Variants in NRXN3 observed in about 807,000 individuals in gnomAD.
NRXN3 encodes neurexin III.
Under a neutral mutation model 137.6 loss-of-function variants are expected in NRXN3, and 32 were observed. The observed-to-expected ratio is 0.23, with a 90% confidence interval of 0.18 to 0.31. NRXN3 has a LOEUF of 0.31. Ranked by LOEUF, NRXN3 falls within the 10% of genes least tolerant of loss-of-function variation. NRXN3 has a pLI of 1.00. For missense variants in NRXN3, 1,574 were observed against 2,062.5 expected, an observed-to-expected ratio of 0.76 and a Z score of 4.59; for synonymous variants, 798 against 784.5, an observed-to-expected ratio of 1.02 and a Z score of -0.29.
At chr14:78,424,845 A>G (rs2153681323) in intron 4 of NRXN3, among the ~76,000 whole-genome samples, 1 of 152,360 alleles carries the variant, frequency 6.6e-6, no homozygotes, top group Non-Finnish European at 1.5e-5. Flanking sequence ...GCACAGAGAA[A>G]TAAAGTACAT....
intron 19 of NRXN3, among the ~76,000 whole-genome samples, chr14:79,732,784 CA>C (rs1352123043): frequency 6.6e-6 from 1 of 151,936 alleles, no homozygotes; most frequent in Non-Finnish European, 1.5e-5. Flanking sequence ...AAATTAGGAA[CA>C]AAAAAACTTA....
intron 6 of NRXN3, among the ~76,000 whole-genome samples, chr14:78,699,846 G>C (rs906166236): frequency 3.3e-5 from 5 of 152,182 alleles, no homozygotes; most frequent in Admixed American, 6.5e-5. Flanking sequence ...CAGGAAATGA[G>C]AGTGTGTATT....
chr14:78,593,119 A>G (rs1440936099), intron 4 of NRXN3, among the ~76,000 whole-genome samples: 2 of 152,186 alleles, frequency 1.3e-5, no homozygotes, highest in Non-Finnish European at 2.9e-5. Context: ...GCTATTAGCA[A>G]TGCACACACG....
chr14:79,016,567 T>G (rs2099579600), intron 15 of NRXN3, among the ~76,000 whole-genome samples: 1 of 152,146 alleles, frequency 6.6e-6, no homozygotes, highest in African/African-American at 2.4e-5. Flanking sequence ...GAGCCTGTGA[T>G]CTGGTGGAGA....
intron 16 of NRXN3, among the ~76,000 whole-genome samples, chr14:79,493,128 T>G (rs566103758): frequency 6.6e-6 from 1 of 152,302 alleles, no homozygotes; most frequent in South Asian, 2.1e-4. Context: ...TTGTGAAGAT[T>G]TTTAAATTCT....
intron 2 of NRXN3, among the ~76,000 whole-genome samples, chr14:78,262,919 G>A (rs551808818): frequency 5.3e-5 from 8 of 152,134 alleles, no homozygotes; most frequent in East Asian, 3.9e-4. Context: ...ATGAGGAGAC[G>A]GAAGCACAGA....
chr14:78,991,578 A>G (rs1240165586), intron 15 of NRXN3, among the ~76,000 whole-genome samples: 1 of 152,214 alleles, frequency 6.6e-6, no homozygotes, highest in African/African-American at 2.4e-5. Flanking sequence ...GTTTATTACT[A>G]CATATCCAAA....
chr14:78,855,240 A>C (rs192073199), intron 10 of NRXN3, among the ~76,000 whole-genome samples: 64 of 152,226 alleles, frequency 4.2e-4, no homozygotes, highest in African/African-American at 1.5e-3. Context: ...CTTCAACGAT[A>C]GAGTGACTTT....
At chr14:79,382,431 C>G (rs181038252) in intron 15 of NRXN3, among the ~76,000 whole-genome samples, 36 of 152,196 alleles carry the variant, frequency 2.4e-4, no homozygotes, top group Admixed American at 2.4e-3. Flanking sequence ...CAGATAAGGT[C>G]CTGCTGCTAG....
intron 4 of NRXN3, among the ~76,000 whole-genome samples, chr14:78,436,681 G>T (rs77846726): frequency 0.054 from 8,235 of 152,284 alleles, 547 homozygotes; most frequent in African/African-American, 0.15. Context: ...ATATTTAAAT[G>T]TAGACAGGCA....
At chr14:78,514,881 C>A (rs997282055) in intron 4 of NRXN3, among the ~76,000 whole-genome samples, 1 of 152,092 alleles carries the variant, frequency 6.6e-6, no homozygotes, top group African/African-American at 2.4e-5. Context: ...TGTGAAAGAT[C>A]TGGGTGATTG....
intron 8 of NRXN3, among the ~76,000 whole-genome samples, chr14:78,797,299 A>C (rs1387986753): frequency 6.6e-6 from 1 of 152,210 alleles, no homozygotes; most frequent in African/African-American, 2.4e-5. Context: ...TGTATTATCT[A>C]AAGTCCAGCT....
chr14:78,624,930 C>T (rs913310643), intron 4 of NRXN3, among the ~76,000 whole-genome samples: 2 of 152,180 alleles, frequency 1.3e-5, no homozygotes, highest in African/African-American at 4.8e-5. Context: ...CAACCTCCGC[C>T]TCCCAGGTTC....
intron 20 of NRXN3, among the ~76,000 whole-genome samples, chr14:79,809,641 A>G (rs919532455): frequency 2.0e-5 from 3 of 152,222 alleles, no homozygotes; most frequent in African/African-American, 7.2e-5. Context: ...GTGTATCTGA[A>G]TAGCTATCTA....
intron 20 of NRXN3, among the ~76,000 whole-genome samples, chr14:79,842,004 G>A (rs1251349594): frequency 1.3e-5 from 2 of 152,202 alleles, no homozygotes; most frequent in African/African-American, 2.4e-5. Flanking sequence ...TGTGGGCAAA[G>A]CACCATATTA....
intron 19 of NRXN3, among the ~76,000 whole-genome samples, chr14:79,804,173 G>T (rs552459760): frequency 6.6e-6 from 1 of 151,820 alleles, no homozygotes; most frequent in East Asian, 1.9e-4. Context: ...AAATAAATGA[G>T]CATTATTGAA....
intron 10 of NRXN3, among the ~76,000 whole-genome samples, chr14:78,873,982 T>C (rs1165867487): frequency 6.6e-6 from 1 of 151,698 alleles, no homozygotes; most frequent in Non-Finnish European, 1.5e-5. Context: ...CTTTCTTTTT[T>C]TTTTTTTTTG....
intron 16 of NRXN3, among the ~76,000 whole-genome samples, chr14:79,564,339 A>G (rs549161133): frequency 6.6e-6 from 1 of 152,204 alleles, no homozygotes; most frequent in African/African-American, 2.4e-5. Context: ...GCTGACAATG[A>G]AGGTCTATAA....
chr14:78,506,969 T>G (rs2153784962), intron 4 of NRXN3, among the ~76,000 whole-genome samples: 1 of 152,310 alleles, frequency 6.6e-6, no homozygotes, highest in Non-Finnish European at 1.5e-5. Context: ...ATCAGGCTTT[T>G]TTCTTGTTAT....
Sources: gnomAD v4.1 joint callset for allele counts (sites outside exome capture counted in the v4.1 genomes callset) on GRCh38, gnomAD v4.1.1 for gene constraint, MANE v1.5 for transcripts, NCBI Gene and HGNC (gene_info 2026-07-23, HGNC 2026-07-21) for gene names.